Variants in CCDC181 observed in about 807,000 individuals in gnomAD.
CCDC181 encodes the protein coiled-coil domain containing 181, also known as coiled-coil domain-containing protein 181.
A neutral mutation model predicts 58.7 loss-of-function variants in CCDC181; 35 were observed. The ratio of observed to expected loss-of-function variants is 0.60; its 90% CI spans 0.46 to 0.79. The LOEUF (loss-of-function observed/expected upper bound fraction) is 0.79. Among genes scored for constraint, CCDC181 ranks in the 30% least tolerant of loss-of-function variants. The pLI, the probability that CCDC181 is intolerant of heterozygous loss-of-function variation, is 0.00. For missense variants in CCDC181, 517 were observed against 583.9 expected (o/e 0.89, Z 1.18); for synonymous variants, 183 against 197.5 (o/e 0.93, Z 0.62).
upstream of CCDC181, among the ~76,000 whole-genome samples, chr1:169,430,506 C>A (rs1183730226): frequency 6.6e-6 from 1 of 152,086 alleles, no homozygotes; most frequent in Non-Finnish European, 1.5e-5. Flanking sequence ...AGATCTTTCA[C>A]CTCCTTGGTT....
chr1:169,394,982 G>A lies in CCDC181; in HGVS notation c.*65C>T. 3.6e-6 allele frequency: 5 copies of A among 1,380,570 alleles called. No homozygotes were observed. The highest frequency in any genetic ancestry group is 1.4e-5 in the South Asian group (1 of 70,364). The allele number at this position is 1,380,570 out of a possible 1,614,324, so 85.5% of individuals were successfully genotyped here. A position where few individuals can be genotyped will look rare whatever the true frequency, so the allele number is the denominator to read the frequency against. ...ATTTAGAATACAACCAAAGTACACA[G>A]ACCCTAAGAAATCATATCCAAAATT... On this transcript the variant is annotated 3_prime_UTR_variant, in exon 6 of 6. Coordinates refer to ENST00000367806, the MANE Select transcript of CCDC181 (RefSeq NM_001300969.2).
Position 169,422,260 on chromosome 1 carries a change from T to G in CCDC181, c.171A>C (p.Thr57=). Residue 57 remains threonine, a synonymous_variant, in exon 3 of 6, where the codon ACA becomes ACC. Coordinates refer to ENST00000367806, the MANE Select transcript of CCDC181 (RefSeq NM_001300969.2). ...NINQDLKENE[T]VMEHTKRHSD... ...AATGCCGTTTGGTGTGCTCCATTAC[T>G]GTCTCATTCTCTTTTAAGTCTTGGT... The G allele has an allele frequency of 6.2e-7, 1 of 1,601,176 alleles. No individual in the cohort carries two copies.
chr1:169,460,611 T>A (rs990527524), exon 1 of CCDC181: 2 of 152,334 alleles, frequency 1.3e-5, no homozygotes, highest in African/African-American at 2.4e-5. Flanking sequence ...AGGGAGTCGC[T>A]GGCCGGGAGA....
intron 4 of CCDC181, among the ~76,000 whole-genome samples, chr1:169,407,512 T>C (rs1352531950): frequency 6.6e-6 from 1 of 152,202 alleles, no homozygotes; most frequent in African/African-American, 2.4e-5. Flanking sequence ...TAAAAAGGAC[T>C]GTTTTTTAAA....
intron 4 of CCDC181, among the ~76,000 whole-genome samples, chr1:169,412,545 A>G (rs1338716194): frequency 6.6e-6 from 1 of 152,202 alleles, no homozygotes; most frequent in East Asian, 1.9e-4. Context: ...ATATGGAACA[A>G]AAAAAGAGCC....
chr1:169,406,675 T>C (rs1295178335), intron 4 of CCDC181, among the ~76,000 whole-genome samples: 2 of 151,934 alleles, frequency 1.3e-5, no homozygotes, highest in Admixed American at 1.3e-4. Flanking sequence ...TTAAGCGATA[T>C]ACCTAATGTA....
At chr1:169,403,579 G>T (rs549090741) in intron 4 of CCDC181, among the ~76,000 whole-genome samples, 1 of 152,312 alleles carries the variant, frequency 6.6e-6, no homozygotes, top group African/African-American at 2.4e-5. Flanking sequence ...ATAACGAAAT[G>T]AAGGCAGAAA....
At chr1:169,408,369 T>C (rs945495843) in intron 4 of CCDC181, among the ~76,000 whole-genome samples, 1 of 152,252 alleles carries the variant, frequency 6.6e-6, no homozygotes, top group East Asian at 1.9e-4. Flanking sequence ...GGGCAGGGCA[T>C]CTCTGAAAGA....
intron 2 of CCDC181, among the ~76,000 whole-genome samples, chr1:169,435,430 T>C (rs1304719260): frequency 1.3e-5 from 2 of 152,170 alleles, no homozygotes; most frequent in African/African-American, 4.8e-5. Flanking sequence ...GAAGTATTAA[T>C]GGAATGGTGG....
At chr1:169,397,462 T>A in intron 4 of CCDC181, 71 bp from the exon 5 acceptor site, 1 of 1,334,750 alleles carries the variant, frequency 7.5e-7, no homozygotes, top group Middle Eastern at 2.4e-4. Flanking sequence ...GCTTATGGGA[T>A]CCTACAAGAA....
chr1:169,410,026 C>A (rs1396767310), intron 4 of CCDC181, among the ~76,000 whole-genome samples: 1 of 152,112 alleles, frequency 6.6e-6, no homozygotes, highest in Non-Finnish European at 1.5e-5. Flanking sequence ...ATCAAATTCA[C>A]ACATAACAAT....
intron 4 of CCDC181, among the ~76,000 whole-genome samples, chr1:169,409,877 C>T (rs1158931468): frequency 6.6e-6 from 1 of 152,150 alleles, no homozygotes; most frequent in Non-Finnish European, 1.5e-5. Context: ...ACAAGAGCTC[C>T]TGAAGGAAGG....
intron 2 of CCDC181, among the ~76,000 whole-genome samples, chr1:169,424,400 G>A (rs1305780824): frequency 1.3e-5 from 2 of 151,888 alleles, no homozygotes; most frequent in African/African-American, 4.8e-5. Context: ...AAAAGGTCAT[G>A]TGTTTAGAGG....
chr1:169,443,222 C>A (rs1657283852), intron 2 of CCDC181: 1 of 151,666 alleles, frequency 6.6e-6, no homozygotes, highest in African/African-American at 2.4e-5. Context: ...AACAAGTGCT[C>A]TAAGGAAAAA....
intron 2 of CCDC181, among the ~76,000 whole-genome samples, chr1:169,422,892 A>G (rs1400526740): frequency 6.6e-6 from 1 of 151,796 alleles, no homozygotes; most frequent in East Asian, 1.9e-4. Flanking sequence ...GATTTCAGAA[A>G]TCCATGCTAA....
At chr1:169,437,507 A>G (rs1018036817) in intron 2 of CCDC181, among the ~76,000 whole-genome samples, 4 of 152,216 alleles carry the variant, frequency 2.6e-5, no homozygotes, top group Non-Finnish European at 5.9e-5. Context: ...AACAAGGTGG[A>G]GTCGGTTAGG....
intron 4 of CCDC181, among the ~76,000 whole-genome samples, chr1:169,407,105 C>T (rs1407682622): frequency 6.7e-6 from 1 of 148,492 alleles, no homozygotes; most frequent in Non-Finnish European, 1.5e-5. Flanking sequence ...TGAGAATTTC[C>T]CAAATCTGGT....
intron 2 of CCDC181, among the ~76,000 whole-genome samples, chr1:169,435,166 C>T (rs1360961609): frequency 1.3e-5 from 2 of 151,964 alleles, no homozygotes; most frequent in East Asian, 1.9e-4. Context: ...CTGATAGATG[C>T]TACAACATTG....
At chr1:169,420,352 T>C (rs182101610) in intron 3 of CCDC181, among the ~76,000 whole-genome samples, 23 of 152,164 alleles carry the variant, frequency 1.5e-4, no homozygotes, top group Non-Finnish European at 3.1e-4. Context: ...TAGGTTCTTA[T>C]CTGAGTGTGC....
Sources: gnomAD v4.1 joint callset for allele counts (sites outside exome capture counted in the v4.1 genomes callset) on GRCh38, gnomAD v4.1.1 for gene constraint, MANE v1.5 for transcripts, NCBI Gene and HGNC (gene_info 2026-07-23, HGNC 2026-07-21) for gene names.